Variants in ARHGAP8 observed in about 807,000 individuals in gnomAD.
ARHGAP8 encodes Rho GTPase activating protein 8, also known as rho GTPase-activating protein 8.
ARHGAP8 carries 62 observed loss-of-function variants against 46.1 expected under a neutral mutation model. That is an observed-to-expected ratio of 1.34 (90% CI 1.10 to 1.66). The LOEUF (loss-of-function observed/expected upper bound fraction) is 1.66. Among genes scored for constraint, ARHGAP8 ranks in the 40% most tolerant of loss-of-function variants. ARHGAP8 has a pLI of 0.00. For missense variants in ARHGAP8, 923 were observed against 568.4 expected (o/e 1.62, Z -6.34); for synonymous variants, 375 against 243.1 (o/e 1.54, Z -5.05).
At chr22:44,763,539 A>G (rs907063783) in intron 1 of ARHGAP8, among the ~76,000 whole-genome samples, 4 of 151,270 alleles carry the variant, frequency 2.6e-5, no homozygotes, top group African/African-American at 9.7e-5. Context: ...GGGTAAAATC[A>G]TGACTGTCAT....
In ARHGAP8 at chr22:44,849,906, A is replaced by G. The variant is rs761914512; in HGVS notation, c.877+846A>G. On this transcript the variant is annotated intron_variant, in intron 10 of 11. Coordinates refer to ENST00000356099, the MANE Select transcript of ARHGAP8 (RefSeq NM_181335.3). Reference sequence around the variant, plus strand: ...CTGGGGGGTGACTTCTGAACCTTGCACTTTCCCAAGGGGCAGGAGTTACCT... The same window carrying G: ...CTGGGGGGTGACTTCTGAACCTTGCGCTTTCCCAAGGGGCAGGAGTTACCT... 20 of 152,234 alleles carry G rather than the reference A, an allele frequency of 1.3e-4. 1 individual carries two copies. Among genetic ancestry groups the G allele is most frequent in the African/African-American group, 4.1e-4 (17 of 41,532 alleles). The allele number at this position is 152,234 out of a possible 1,614,324, so 9.4% of individuals were successfully genotyped here. A position where few individuals can be genotyped will look rare whatever the true frequency, so the allele number is the denominator to read the frequency against.
At chr22:44,811,060 A>C (rs1233501939) in intron 4 of ARHGAP8, among the ~76,000 whole-genome samples, 1 of 152,190 alleles carries the variant, frequency 6.6e-6, no homozygotes, top group East Asian at 1.9e-4. Flanking sequence ...CAGCTCCCCC[A>C]CTTCTCAGTT....
At chr22:44,860,543 A>C (rs372125373) in intron 11 of ARHGAP8, among the ~76,000 whole-genome samples, 404 of 38,290 alleles carry the variant, frequency 0.011, 1 homozygote, top group African/African-American at 0.025. Flanking sequence ...TCTCATCTTG[A>C]GATCCTCAAC....
chr22:44,765,454 A>G (rs969153651), intron 1 of ARHGAP8: 1 of 152,086 alleles, frequency 6.6e-6, no homozygotes, highest in African/African-American at 2.4e-5. Context: ...GCCAGCCCAC[A>G]AGGGGGGTGT....
intron 10 of ARHGAP8, among the ~76,000 whole-genome samples, chr22:44,857,427 A>C (rs1302196702): frequency 6.6e-6 from 1 of 152,134 alleles, no homozygotes; most frequent in African/African-American, 2.4e-5. Flanking sequence ...GCTTGGACTA[A>C]CAAAAGACAG....
chr22:44,861,742 C>T (rs1435291545), intron 11 of ARHGAP8, among the ~76,000 whole-genome samples: 1 of 152,162 alleles, frequency 6.6e-6, no homozygotes, highest in African/African-American at 2.4e-5. Flanking sequence ...TTCCAGGCCC[C>T]AGATTCCTCA....
chr22:44,785,207 C>G (rs1170083261), intron 1 of ARHGAP8, among the ~76,000 whole-genome samples: 1 of 152,174 alleles, frequency 6.6e-6, no homozygotes, highest in Non-Finnish European at 1.5e-5. Context: ...CCAGTGCTTT[C>G]TCCTCGGGCA....
Position 44,862,757 on chromosome 22 carries a change from T to C in ARHGAP8, c.*162T>C. 1.2e-6 allele frequency: 1 copy of C among 864,516 alleles called. No individual in the cohort carries two copies. Among genetic ancestry groups the C allele is most frequent in the Non-Finnish European group, 1.7e-6 (1 of 594,176 alleles). The allele number at this position is 864,516 out of a possible 1,614,324, so 53.6% of individuals were successfully genotyped here. A position where few individuals can be genotyped will look rare whatever the true frequency, so the allele number is the denominator to read the frequency against. On this transcript the variant is annotated 3_prime_UTR_variant, in exon 12 of 12. Transcript: ENST00000356099. ...TGGTCCTTGGACTCTTGTCCATGGT[T>C]CCTGAGCTGTGGACCGGGATAGAAT...
intron 7 of ARHGAP8, among the ~76,000 whole-genome samples, chr22:44,826,191 G>T (rs1210098205): frequency 6.6e-6 from 1 of 152,054 alleles, no homozygotes. Context: ...GCCTGGGTCC[G>T]GTAGAGACGG....
chr22:44,837,164 C>T (rs1332503961), intron 7 of ARHGAP8, among the ~76,000 whole-genome samples: 5 of 152,230 alleles, frequency 3.3e-5, no homozygotes, highest in Non-Finnish European at 7.3e-5. Flanking sequence ...GGATTACAGG[C>T]GTGAGCCACT....
intron 11 of ARHGAP8, among the ~76,000 whole-genome samples, chr22:44,860,426 G>A (rs557315567): frequency 6.6e-6 from 1 of 151,870 alleles, no homozygotes; most frequent in Non-Finnish European, 1.5e-5. Flanking sequence ...CTCCCCCCTG[G>A]CCTTTGTCTG....
rs2070035642 is a variant in ARHGAP8 at position 44,849,183 on chromosome 22, C to T, written c.877+123C>T. ...CGTGTACCCACCCTCCTCCTGTTGC[C>T]ATCTGGCACTGCAGGGCAAGAGAGG... is the stretch of plus-strand genomic sequence containing the variant. On this transcript the variant is annotated intron_variant, in intron 10 of 11. Coordinates refer to ENST00000356099, the MANE Select transcript of ARHGAP8 (RefSeq NM_181335.3). 2.0e-6 allele frequency: 3 copies of T among 1,534,294 alleles called. No homozygotes were observed. The African/African-American group carries it at 4.1e-5, about 21-fold the overall frequency.
intron 3 of ARHGAP8, 137 bp downstream of exon 3, chr22:44,802,301 G>A: frequency 1.8e-6 from 2 of 1,115,416 alleles, no homozygotes; most frequent in East Asian, 2.6e-5. Flanking sequence ...CAGAGCTCTT[G>A]CACTCATGAG....
intron 1 of ARHGAP8, among the ~76,000 whole-genome samples, chr22:44,771,659 A>G (rs1412560788): frequency 6.6e-6 from 1 of 151,464 alleles, no homozygotes; most frequent in Non-Finnish European, 1.5e-5. Flanking sequence ...GGTTCAAGCG[A>G]TTCTCCTGCC....
chr22:44,824,506 CTG>C (rs769471909), intron 6 of ARHGAP8, among the ~76,000 whole-genome samples: 4 of 152,220 alleles, frequency 2.6e-5, no homozygotes, highest in Non-Finnish European at 5.9e-5. Context: ...CCCCCCCATC[CTG>C]TGGCCGGGTC....
Position 44,802,061 on chromosome 22 carries a change from G to T in ARHGAP8, c.80-16G>T, listed in dbSNP as rs1325875319. 1.2e-6 allele frequency: 2 copies of T among 1,613,794 alleles called. No individual in the cohort carries two copies. Among genetic ancestry groups the T allele is most frequent in the African/African-American group, 2.7e-5 (2 of 74,942 alleles). Reference sequence around the variant, plus strand: ...GAGAAGGTGGCACAGAGGCTCACCTGTGTCTGCTCCTCCAGGGGATGACCG... The same window carrying T: ...GAGAAGGTGGCACAGAGGCTCACCTTTGTCTGCTCCTCCAGGGGATGACCG... On this transcript the variant is annotated splice_polypyrimidine_tract_variant and intron_variant, in intron 2 of 11. Transcript: ENST00000356099.
intron 7 of ARHGAP8, among the ~76,000 whole-genome samples, chr22:44,832,962 A>G (rs1004464304): frequency 2.7e-5 from 4 of 149,652 alleles, no homozygotes; most frequent in African/African-American, 9.7e-5. Context: ...CCCTGTGTCT[A>G]TTAAAAACAC....
intron 1 of ARHGAP8, among the ~76,000 whole-genome samples, chr22:44,768,801 T>C (rs928421199): frequency 3.3e-5 from 5 of 151,268 alleles, no homozygotes; most frequent in African/African-American, 1.2e-4. Flanking sequence ...TTGGCTGAGG[T>C]GGTGGCTGCC....
At chr22:44,760,131 G>A (rs1445788450) in intron 1 of ARHGAP8, among the ~76,000 whole-genome samples, 1 of 152,236 alleles carries the variant, frequency 6.6e-6, no homozygotes, top group Non-Finnish European at 1.5e-5. Flanking sequence ...ACCTTCGGGG[G>A]TCTCATGTAT....
Sources: allele counts gnomAD v4.1 joint callset (sites outside exome capture counted in the v4.1 genomes callset), GRCh38; gene constraint gnomAD v4.1.1; transcripts MANE v1.5; gene names NCBI Gene and HGNC (gene_info 2026-07-23, HGNC 2026-07-21).